KAZN: variants seen among roughly 807,000 people sequenced by gnomAD.
KAZN encodes kazrin, periplakin interacting protein.
Under a neutral mutation model 87.4 loss-of-function variants are expected in KAZN, and 40 were observed. The observed-to-expected ratio is 0.46, with a 90% CI of 0.36 to 0.60. The LOEUF (loss-of-function observed/expected upper bound fraction) is 0.60, where lower values mean the gene tolerates loss of function less well. Among genes scored for constraint, KAZN ranks in the 20% least tolerant of loss-of-function variants. The pLI, the probability that KAZN is intolerant of heterozygous loss-of-function variation, is 0.00. For synonymous variants in KAZN, 466 were observed against 458.3 expected (o/e 1.02, Z -0.22); for missense variants, 898 against 1,073.9 (o/e 0.84, Z 2.29).
At chr1:14,746,266 A>G (rs1644257531) in intron 1 of KAZN, among the ~76,000 whole-genome samples, 3 of 151,568 alleles carry the variant, frequency 2.0e-5, no homozygotes, top group Non-Finnish European at 3.0e-5. Flanking sequence ...ATCTTTCCTC[A>G]AAAATGCAGG....
intron 1 of KAZN, among the ~76,000 whole-genome samples, chr1:14,738,006 C>A (rs762390733): frequency 7.2e-5 from 11 of 152,172 alleles, no homozygotes; most frequent in Non-Finnish European, 1.5e-4. Context: ...GTTCTGCATG[C>A]ACTCAAAGTG....
At chr1:14,663,147 T>C (rs952270544) in intron 1 of KAZN, among the ~76,000 whole-genome samples, 37 of 151,846 alleles carry the variant, frequency 2.4e-4, no homozygotes, top group African/African-American at 8.7e-4. Flanking sequence ...GTTTTAAAAT[T>C]CTTTTTTTCC....
intron 2 of KAZN, among the ~76,000 whole-genome samples, chr1:14,560,753 G>A (rs1019750295): frequency 6.6e-6 from 1 of 152,132 alleles, no homozygotes; most frequent in African/African-American, 2.4e-5. Context: ...TGGGAAAGAG[G>A]AAGAAGGAGT....
intron 2 of KAZN, among the ~76,000 whole-genome samples, chr1:14,573,508 A>T (rs1674996457): frequency 1.3e-5 from 2 of 152,100 alleles, no homozygotes; most frequent in Non-Finnish European, 2.9e-5. Context: ...TTAGCCGGGG[A>T]TGGTGGTGCA....
chr1:14,955,337 C>A (rs943196096), intron 1 of KAZN, among the ~76,000 whole-genome samples: 11 of 152,206 alleles, frequency 7.2e-5, no homozygotes, highest in Non-Finnish European at 1.5e-4. Context: ...ACAGGTGAGG[C>A]CACCGAGGCC....
rs201858180 is a variant in KAZN, at chr1:14,331,766, CT to C, written c.249+151175del. On this transcript the variant is annotated intron_variant, in intron 2 of 16. Transcript: ENST00000636203. The stretch of plus-strand genomic sequence containing the variant: ...ACCCCATCCCATCCCCTGCTTCCCC[CT>C]ACCAGGAATAAATAACCATTTTCCC... 3.3e-5 allele frequency among the ~76,000 whole-genome samples: 5 copies of C among 152,182 alleles called. No homozygotes were observed. In the East Asian group the frequency reaches 9.6e-4, roughly 29 times the overall value.
At chr1:14,208,337 TA>T (rs1243904006) in intron 2 of KAZN, among the ~76,000 whole-genome samples, 4 of 152,230 alleles carry the variant, frequency 2.6e-5, no homozygotes, top group East Asian at 1.9e-4. Flanking sequence ...AAAGGTTATA[TA>T]AAAAATAGCT....
intron 1 of KAZN, among the ~76,000 whole-genome samples, chr1:13,958,352 C>T (rs1361716112): frequency 1.3e-5 from 2 of 151,994 alleles, no homozygotes; most frequent in African/African-American, 2.4e-5. Context: ...GGGCGGATCA[C>T]GAGGTCAGAG....
intron 1 of KAZN, among the ~76,000 whole-genome samples, chr1:14,642,196 G>A (rs1370296555): frequency 3.9e-5 from 6 of 152,124 alleles, no homozygotes; most frequent in South Asian, 2.1e-4. Context: ...TCGGGAGATC[G>A]AGACCATCCT....
intron 1 of KAZN, among the ~76,000 whole-genome samples, chr1:14,076,047 T>C (rs8179349): frequency 0.42 from 64,000 of 151,916 alleles, 13,849 homozygotes; most frequent in East Asian, 0.65. Context: ...TTTGGGAGGC[T>C]GAGGCAGGTG....
At chr1:14,702,302 G>A (rs1231621022) in intron 1 of KAZN, among the ~76,000 whole-genome samples, 1 of 142,800 alleles carries the variant, frequency 7.0e-6, no homozygotes, top group East Asian at 2.1e-4. Context: ...AGGGTTTCTG[G>A]AAAATGCTGA....
At position 15,114,720 on chromosome 1, in the gene KAZN, C is replaced by A; in HGVS notation, c.*85C>A. 2.2e-6 allele frequency: 3 copies of A among 1,358,410 alleles called. No homozygotes were observed. The highest frequency in any genetic ancestry group is 2.0e-6 in the Non-Finnish European group (2 of 1,002,240). 84.1% of individuals were successfully genotyped at this position (1,358,410 alleles called of 1,614,324 possible). A position where few individuals can be genotyped will look rare whatever the true frequency, so the allele number is the denominator to read the frequency against. ...GGCCCCAGGTGTCGTTCTCACTGTA[C>A]ATAGCGGCCGCAGGCTGAGGATGTC... On this transcript the variant is annotated 3_prime_UTR_variant, in exon 15 of 15. Transcript: ENST00000376030.
intron 1 of KAZN, among the ~76,000 whole-genome samples, chr1:14,933,108 T>C (rs1241877732): frequency 6.6e-6 from 1 of 152,170 alleles, no homozygotes; most frequent in East Asian, 1.9e-4. Context: ...TCTTTATTTA[T>C]GAGATGGAGT....
At chr1:15,009,992 G>A (rs1170003514) in intron 2 of KAZN, among the ~76,000 whole-genome samples, 1 of 152,108 alleles carries the variant, frequency 6.6e-6, no homozygotes, top group Non-Finnish European at 1.5e-5. Flanking sequence ...ATCAGATACT[G>A]TTATTACTCA....
intron 2 of KAZN, among the ~76,000 whole-genome samples, chr1:14,433,528 G>A (rs1241026603): frequency 1.3e-5 from 2 of 152,180 alleles, no homozygotes; most frequent in African/African-American, 4.8e-5. Context: ...AAGTCACGAG[G>A]GAGGGGCTGT....
intron 2 of KAZN, among the ~76,000 whole-genome samples, chr1:14,450,288 A>G (rs558393910): frequency 6.6e-6 from 1 of 152,304 alleles, no homozygotes; most frequent in African/African-American, 2.4e-5. Flanking sequence ...AGGGCACCTG[A>G]TATAAACAGA....
At chr1:13,976,889 A>G (rs1638387347) in intron 1 of KAZN, among the ~76,000 whole-genome samples, 1 of 152,194 alleles carries the variant, frequency 6.6e-6, no homozygotes, top group South Asian at 2.1e-4. Context: ...TGCTAGTCAG[A>G]AAAATGTATA....
intron 2 of KAZN, among the ~76,000 whole-genome samples, chr1:14,233,096 G>A (rs1162286418): frequency 6.6e-6 from 1 of 152,026 alleles, no homozygotes; most frequent in Non-Finnish European, 1.5e-5. Flanking sequence ...GTATCCTTAT[G>A]TGTAAAATAG....
intron 1 of KAZN, among the ~76,000 whole-genome samples, chr1:14,068,049 C>T (rs1643082046): frequency 6.6e-6 from 1 of 152,134 alleles, no homozygotes; most frequent in Admixed American, 6.5e-5. Flanking sequence ...GATGGCATGC[C>T]AACTCCTGGA....
Sources: gnomAD v4.1 joint callset for allele counts (sites outside exome capture counted in the v4.1 genomes callset) on GRCh38, gnomAD v4.1.1 for gene constraint, MANE v1.5 for transcripts, NCBI Gene and HGNC (gene_info 2026-07-23, HGNC 2026-07-21) for gene names.